Variants in G2E3 observed in about 807,000 individuals in gnomAD.
The protein encoded by G2E3 is G2/M phase-specific E3 ubiquitin-protein ligase.
A neutral mutation model predicts 92.8 loss-of-function variants in G2E3; 35 were observed. That is an observed-to-expected ratio of 0.38 (90% CI 0.29 to 0.50). The LOEUF (loss-of-function observed/expected upper bound fraction) is 0.50. G2E3 is among the 20% of genes least tolerant of loss of function. The probability of loss-of-function intolerance (pLI) is 0.94; values close to 1 mark genes in which losing one functional copy is unlikely to be tolerated. For synonymous variants in G2E3, 242 were observed against 272.4 expected (o/e 0.89, Z 1.10); for missense variants, 554 against 823.8 (o/e 0.67, Z 4.01).
intron 12 of G2E3, among the ~76,000 whole-genome samples, chr14:30,610,997 G>A (rs1312314863): frequency 6.6e-6 from 1 of 152,182 alleles, no homozygotes; most frequent in Non-Finnish European, 1.5e-5. Context: ...ATGGCCCTCT[G>A]TTTTCGAGAT....
At chr14:30,590,738 C>G (rs1428495980) in intron 4 of G2E3, 1 of 455,812 alleles carries the variant, frequency 2.2e-6, no homozygotes, top group South Asian at 1.5e-5. Flanking sequence ...GAGCATGAAT[C>G]TAAGGACTAC....
In G2E3 at chr14:30,586,795, A is replaced by G. The variant is rs750423899; in HGVS notation, c.115A>G (p.Thr39Ala). ...GAAAACTAAGGAGAAATGGAATCTC[A>G]CTGTACATTACTACTGTTTGGTGAG... is the stretch of plus-strand genomic sequence containing the variant. ...EKKTKEKWNLTVHYYCLLMSS... is the reference protein window; with the variant it reads ...EKKTKEKWNLAVHYYCLLMSS... The change falls in exon 3 of 15, where the codon ACT becomes GCT. Residue 39 changes from threonine to alanine, a missense_variant. This residue lies in a region of G2E3 where 137 missense variants were observed against 201.3 expected (regional missense o/e 0.68). Transcript: ENST00000206595. 1.0e-5 allele frequency: 13 copies of G among 1,240,022 alleles called. No homozygotes were observed. The highest frequency in any genetic ancestry group is 1.5e-5 in the Non-Finnish European group (13 of 878,792). The allele number at this position is 1,240,022 out of a possible 1,614,324, so 76.8% of individuals were successfully genotyped here.
At chr14:30,593,268 A>G (rs1025990878) in intron 5 of G2E3, among the ~76,000 whole-genome samples, 22 of 152,140 alleles carry the variant, frequency 1.4e-4, no homozygotes, top group Non-Finnish European at 3.2e-4. Flanking sequence ...AAGTCTCACT[A>G]CCAGAAAAGT....
At chr14:30,570,576 C>T (rs1879699006) in intron 1 of G2E3, among the ~76,000 whole-genome samples, 1 of 152,104 alleles carries the variant, frequency 6.6e-6, no homozygotes. Context: ...AACCTGTCTT[C>T]AAGTTCGCTG....
intron 1 of G2E3, among the ~76,000 whole-genome samples, chr14:30,577,246 AAAAG>A (rs1285917787): frequency 5.4e-5 from 8 of 149,140 alleles, no homozygotes; most frequent in Admixed American, 2.7e-4. Context: ...AAAAAAAAGA[AAAAG>A]AAAAAATGTT....
intron 1 of G2E3, chr14:30,560,132 A>G (rs1879008690): frequency 6.7e-6 from 1 of 149,690 alleles, no homozygotes; most frequent in Non-Finnish European, 1.5e-5. Context: ...TTAATTTTTA[A>G]TGATGAACTA....
At position 30,619,871 on chromosome 14, in the gene G2E3, G is replaced by A; in HGVS notation, c.*3337G>A. The A allele has an allele frequency of 6.6e-6, 1 of 152,058 alleles. No individual in the cohort carries two copies. Among genetic ancestry groups the A allele is most frequent in the East Asian group, 1.9e-4 (1 of 5,198 alleles). The allele number at this position is 152,058 out of a possible 1,614,324, so 9.4% of individuals were successfully genotyped here. The stretch of plus-strand genomic sequence containing the variant: ...GCCTATTTAAACTAAGTAATTTTTT[G>A]GGATTTAATAAGATTAAGATTCTGA... On this transcript the variant is annotated 3_prime_UTR_variant, in exon 15 of 15. Coordinates refer to ENST00000206595, the MANE Select transcript of G2E3 (RefSeq NM_017769.5).
At position 30,615,332 on chromosome 14, in the gene G2E3, AT is replaced by A; in HGVS notation, c.1674-12del. ...ACACATGTATGAATGTTGGCTCATT[AT>A]TTTTCTTCTCTTAAGTTTTAAGCAG... On this transcript the variant is annotated splice_polypyrimidine_tract_variant and intron_variant, in intron 13 of 14. Coordinates refer to ENST00000206595, the MANE Select transcript of G2E3 (RefSeq NM_017769.5). The A allele has an allele frequency of 7.0e-7, 1 of 1,430,856 alleles. No individual in the cohort carries two copies. Among genetic ancestry groups the A allele is most frequent in the South Asian group, 1.3e-5 (1 of 77,118 alleles). 88.6% of individuals were successfully genotyped at this position (1,430,856 alleles called of 1,614,324 possible).
intron 1 of G2E3, among the ~76,000 whole-genome samples, chr14:30,577,539 GATTCACTTCTAACATGGCTT>G (rs1315324411): frequency 6.6e-6 from 1 of 152,176 alleles, no homozygotes; most frequent in Non-Finnish European, 1.5e-5. Context: ...GGGGCTGGAG[GATTCACTTCTAACATGGCTT>G]ATTCACATAA....
At chr14:30,596,309 T>G (rs1277265000) in intron 6 of G2E3, among the ~76,000 whole-genome samples, 2 of 152,166 alleles carry the variant, frequency 1.3e-5, no homozygotes, top group Non-Finnish European at 2.9e-5. Flanking sequence ...TGCTTTAATT[T>G]CAGACACTCT....
At chr14:30,581,571 G>A (rs572104440) in intron 2 of G2E3, among the ~76,000 whole-genome samples, 75 of 152,276 alleles carry the variant, frequency 4.9e-4, no homozygotes, top group African/African-American at 1.7e-3. Context: ...GCCAGGAGGC[G>A]CATGCCTGTA....
At chr14:30,570,814 G>C (rs562910692) in intron 1 of G2E3, among the ~76,000 whole-genome samples, 1 of 152,152 alleles carries the variant, frequency 6.6e-6, no homozygotes, top group East Asian at 1.9e-4. Context: ...CACCATTTTC[G>C]TGGATGTGTT....
At position 30,602,205 on chromosome 14, in the gene G2E3, T is replaced by G. The variant is rs1881604115; in HGVS notation, c.1010+74T>G. 5.3e-6 allele frequency: 6 copies of G among 1,134,818 alleles called. No individual in the cohort carries two copies. The Admixed American group carries it at 1.0e-4, about 20-fold the overall frequency. The allele number at this position is 1,134,818 out of a possible 1,614,324, so 70.3% of individuals were successfully genotyped here. A position where few individuals can be genotyped will look rare whatever the true frequency, so the allele number is the denominator to read the frequency against. ...TTATGATAGGAAATGCCATATACAT[T>G]TAGAATATTAGGTGATCATACAGTA... On this transcript the variant is annotated intron_variant, in intron 10 of 14. Coordinates refer to ENST00000206595, the MANE Select transcript of G2E3 (RefSeq NM_017769.5).
intron 13 of G2E3, among the ~76,000 whole-genome samples, chr14:30,614,195 T>C (rs1445777880): frequency 6.6e-6 from 1 of 152,176 alleles, no homozygotes; most frequent in Non-Finnish European, 1.5e-5. Flanking sequence ...TTTTTTGTGG[T>C]TTATTCTTTT....
chr14:30,608,268 C>T (rs962537188), intron 12 of G2E3, among the ~76,000 whole-genome samples, 199 bp downstream of exon 12: 5 of 152,118 alleles, frequency 3.3e-5, no homozygotes, highest in African/African-American at 1.2e-4. Flanking sequence ...TAAAGTGCCA[C>T]GTTTAATGTT....
chr14:30,565,739 G>A (rs1879391332), intron 1 of G2E3, among the ~76,000 whole-genome samples: 1 of 131,968 alleles, frequency 7.6e-6, no homozygotes. Flanking sequence ...TCGGCTCACT[G>A]CAAGCTCCAC....
At position 30,601,042 on chromosome 14, in the gene G2E3, C is replaced by T. The variant is rs575405853; in HGVS notation, c.753-728C>T. 2.6e-4 allele frequency among the ~76,000 whole-genome samples: 39 copies of T among 152,254 alleles called. No individual in the cohort carries two copies. The South Asian group carries it at 7.9e-3, about 31-fold the overall frequency. On this transcript the variant is annotated intron_variant, in intron 8 of 14. Coordinates refer to ENST00000206595, the MANE Select transcript of G2E3 (RefSeq NM_017769.5). ...CATACACAGGACAGAAATTAACATA[C>T]GCACACCCACACAGAGGGATGATAT... is the stretch of plus-strand genomic sequence containing the variant.
intron 4 of G2E3, chr14:30,590,988 T>A (rs1380132982): frequency 4.4e-6 from 1 of 229,276 alleles, no homozygotes. Context: ...AATGTTCCAA[T>A]GAGCATTTCC....
At chr14:30,571,944 T>TAAAA (rs34718480) in intron 1 of G2E3, among the ~76,000 whole-genome samples, 22 of 144,518 alleles carry the variant, frequency 1.5e-4, no homozygotes, top group Non-Finnish European at 3.4e-4. Context: ...GCCAGTATCT[T>TAAAA]AAAAAAAAAA....
Sources: gnomAD v4.1 joint callset for allele counts (sites outside exome capture counted in the v4.1 genomes callset) on GRCh38, gnomAD v4.1.1 for gene constraint, gnomAD v4.1.1 regional missense constraint, MANE v1.5 for transcripts, NCBI Gene and HGNC (gene_info 2026-07-23, HGNC 2026-07-21) for gene names.